The following SSBP3 variants were observed in gnomAD, a reference collection of about 807,000 sequenced individuals.
The protein encoded by SSBP3 is single-stranded DNA-binding protein 3.
SSBP3 carries 5 observed loss-of-function variants against 69.6 expected under a neutral mutation model. The observed-to-expected ratio is 0.07, with a 90% CI of 0.04 to 0.15. SSBP3 has a LOEUF of 0.15. SSBP3 is among the 10% of genes least tolerant of loss of function. The pLI, the probability that SSBP3 is intolerant of heterozygous loss-of-function variation, is 1.00. For missense variants in SSBP3, 312 were observed against 534.0 expected (o/e 0.58, Z 4.10); for synonymous variants, 196 against 193.4 (o/e 1.01, Z -0.11).
chr1:54,256,912 C>T (rs1488886768), intron 7 of SSBP3, among the ~76,000 whole-genome samples: 1 of 152,136 alleles, frequency 6.6e-6, no homozygotes, highest in Non-Finnish European at 1.5e-5. Flanking sequence ...AATGGGCTGT[C>T]CAAAGGGCCA....
intron 4 of SSBP3, among the ~76,000 whole-genome samples, chr1:54,339,067 CT>C (rs925079981): frequency 9.9e-5 from 15 of 152,074 alleles, no homozygotes; most frequent in African/African-American, 3.4e-4. Context: ...CCCACAGGCT[CT>C]GGATTAAGAC....
intron 5 of SSBP3, among the ~76,000 whole-genome samples, chr1:54,272,086 G>C (rs1433271750): frequency 1.3e-5 from 2 of 152,194 alleles, no homozygotes; most frequent in Non-Finnish European, 1.5e-5. Flanking sequence ...GGGCTTTTCT[G>C]AGAGAAAAGT....
upstream of SSBP3, among the ~76,000 whole-genome samples, chr1:54,407,749 ATTTTTTTTTTT>A (rs532968816): frequency 1.7e-4 from 17 of 97,524 alleles, no homozygotes; most frequent in East Asian, 1.8e-3. Flanking sequence ...GCCTAGGTTG[ATTTTTTTTTTT>A]TTTTTTTTTT....
intron 4 of SSBP3, among the ~76,000 whole-genome samples, chr1:54,385,428 A>T (rs1648007478): frequency 6.6e-6 from 1 of 152,134 alleles, no homozygotes; most frequent in African/African-American, 2.4e-5. Context: ...GGAAGCTTTT[A>T]AAATGTTCTC....
rs541239028 is a variant in SSBP3, at chr1:54,288,299, C to T, written c.277-6772G>A. Reference sequence around the variant, plus strand: ...TGTGTGATCTGATCAGGCCTTCCTGCCCCGGGCCCTGGACTCCACACAAGG... The same window carrying T: ...TGTGTGATCTGATCAGGCCTTCCTGTCCCGGGCCCTGGACTCCACACAAGG... On this transcript the variant is annotated intron_variant, in intron 4 of 17. Transcript: ENST00000610401. 5.9e-5 allele frequency among the ~76,000 whole-genome samples: 9 copies of T among 152,300 alleles called. No homozygotes were observed. The South Asian group carries it at 1.5e-3, about 25-fold the overall frequency.
At chr1:54,405,658 A>AC (rs1299107660) in intron 1 of SSBP3, among the ~76,000 whole-genome samples, 1 of 151,302 alleles carries the variant, frequency 6.6e-6, no homozygotes, top group African/African-American at 2.4e-5. Flanking sequence ...GACCTCGCCC[A>AC]CCACTCACCG....
intron 4 of SSBP3, among the ~76,000 whole-genome samples, chr1:54,370,497 T>C (rs1456283361): frequency 2.0e-5 from 3 of 152,178 alleles, no homozygotes; most frequent in Non-Finnish European, 4.4e-5. Flanking sequence ...GCATTTACCA[T>C]CTGTCCTGTG....
chr1:54,366,714 A>G (rs1647034347), intron 4 of SSBP3, among the ~76,000 whole-genome samples: 1 of 152,234 alleles, frequency 6.6e-6, no homozygotes. Context: ...AATTTTTAAC[A>G]AAAGAAGTAC....
chr1:54,330,383 G>C (rs867575272), intron 4 of SSBP3, among the ~76,000 whole-genome samples: 5 of 152,130 alleles, frequency 3.3e-5, no homozygotes, highest in African/African-American at 1.2e-4. Context: ...TGTGCCCAGG[G>C]AGTCACCTGG....
At chr1:54,379,247 T>C (rs1215197148) in intron 4 of SSBP3, among the ~76,000 whole-genome samples, 1 of 152,254 alleles carries the variant, frequency 6.6e-6, no homozygotes, top group East Asian at 1.9e-4. Flanking sequence ...GCAGCACACC[T>C]CGGCCACCCT....
chr1:54,343,868 G>C (rs1380673539), intron 4 of SSBP3, among the ~76,000 whole-genome samples: 2 of 152,362 alleles, frequency 1.3e-5, no homozygotes, highest in Admixed American at 6.5e-5. Context: ...CTTTGGACCA[G>C]GAGAAGGGGC....
chr1:54,302,739 G>A (rs1042850436), intron 4 of SSBP3, among the ~76,000 whole-genome samples: 7 of 152,186 alleles, frequency 4.6e-5, no homozygotes, highest in African/African-American at 1.7e-4. Flanking sequence ...AACCAGTGGA[G>A]GAATCTCCAC....
At chr1:54,304,986 G>A (rs535230046) in intron 4 of SSBP3, among the ~76,000 whole-genome samples, 1 of 152,242 alleles carries the variant, frequency 6.6e-6, no homozygotes, top group East Asian at 1.9e-4. Flanking sequence ...GCTCTTAGTG[G>A]AGCATGTGCA....
chr1:54,255,267 G>C lies in SSBP3; in HGVS notation c.507+1860C>G, dbSNP rs1013687599. On this transcript the variant is annotated intron_variant, in intron 7 of 17. Coordinates refer to ENST00000610401, the Ensembl canonical transcript of SSBP3. ...CTTGAGTGGTTGCTCATGCTTAGTT[G>C]CTGAGTAGAAATATACACACCCCTC... Among the ~76,000 whole-genome samples the C allele has an allele frequency of 2.0e-5, 3 of 152,070 alleles. No homozygotes were observed. In the East Asian group the frequency reaches 5.8e-4, roughly 29 times the overall value.
chr1:54,336,265 A>G (rs1168625884), intron 4 of SSBP3, among the ~76,000 whole-genome samples: 1 of 152,164 alleles, frequency 6.6e-6, no homozygotes, highest in East Asian at 1.9e-4. Flanking sequence ...CAGGGCAAAT[A>G]TGAGATGGGA....
At chr1:54,305,636 AGAG>A (rs778617334) in intron 4 of SSBP3, among the ~76,000 whole-genome samples, 47 of 129,344 alleles carry the variant, frequency 3.6e-4, no homozygotes, top group South Asian at 1.1e-3. Flanking sequence ...AAAAAAAAAG[AGAG>A]AGAGAGAGAG....
At chr1:54,313,040 T>TC (rs1177666274) in intron 4 of SSBP3, among the ~76,000 whole-genome samples, 1 of 148,588 alleles carries the variant, frequency 6.7e-6, no homozygotes, top group East Asian at 2.0e-4. Flanking sequence ...TTTTTTTTTT[T>TC]CCATTGAGCA....
At chr1:54,402,620 GT>G (rs1649393389) in intron 3 of SSBP3, among the ~76,000 whole-genome samples, 1 of 151,976 alleles carries the variant, frequency 6.6e-6, no homozygotes, top group Non-Finnish European at 1.5e-5. Flanking sequence ...CAAAGGACAG[GT>G]CATGGACAAC....
chr1:54,383,086 A>T (rs1342504638), intron 4 of SSBP3, among the ~76,000 whole-genome samples: 1 of 151,140 alleles, frequency 6.6e-6, no homozygotes, highest in Non-Finnish European at 1.5e-5. Flanking sequence ...AAAAGAAAGA[A>T]GCCCCAGCTG....
Sources: gnomAD v4.1 joint callset for allele counts (sites outside exome capture counted in the v4.1 genomes callset) on GRCh38, gnomAD v4.1.1 for gene constraint, MANE v1.5 for transcripts, NCBI Gene and HGNC (gene_info 2026-07-23, HGNC 2026-07-21) for gene names.